The following BICD1 variants were observed in gnomAD, a reference collection of about 807,000 sequenced individuals.
BICD1 encodes the protein BICD cargo adaptor 1, also known as protein bicaudal D homolog 1.
Under a neutral mutation model 92.5 loss-of-function variants are expected in BICD1, and 35 were observed. The ratio of observed to expected loss-of-function variants is 0.38; its 90% CI spans 0.29 to 0.50. The LOEUF (loss-of-function observed/expected upper bound fraction) is 0.50, where lower values mean the gene tolerates loss of function less well. Among genes scored for constraint, BICD1 ranks in the 20% least tolerant of loss-of-function variants. The pLI is 0.93. For synonymous variants in BICD1, 429 were observed against 465.1 expected (o/e 0.92, Z 1.00); for missense variants, 950 against 1,189.8 (o/e 0.80, Z 2.97).
At chr12:32,261,969 T>C (rs1307865527) in intron 2 of BICD1, among the ~76,000 whole-genome samples, 2 of 151,950 alleles carry the variant, frequency 1.3e-5, no homozygotes, top group Non-Finnish European at 2.9e-5. Context: ...GGTGAGTGCA[T>C]ACTTGGATAG....
rs555237184 is a variant in BICD1, at chr12:32,306,069, T to C, written c.952T>C (p.Phe318Leu). ...GTCTCTGAACCCTGTCTCTGACTTA[T>C]TCAGTGAGCTGAACATTTCAGAAAT... is the stretch of plus-strand genomic sequence containing the variant. ...GESLNPVSDLFSELNISEIQK... is the reference protein window; with the variant it reads ...GESLNPVSDLLSELNISEIQK... The change falls in exon 4 of 10, where the codon TTC (phenylalanine) becomes CTC (leucine). Residue 318 changes from phenylalanine (F) to leucine (L), a missense_variant. By Grantham distance (22) the Phe-to-Leu change is conservative. Coordinates refer to ENST00000652176, the MANE Select transcript of BICD1 (RefSeq NM_001714.4). The C allele has an allele frequency of 1.9e-6, 3 of 1,613,142 alleles. No individual in the cohort carries two copies. The highest frequency in any genetic ancestry group is 1.3e-5 in the African/African-American group (1 of 74,848).
chr12:32,261,291 G>A (rs1011259991), intron 2 of BICD1, among the ~76,000 whole-genome samples: 3 of 152,218 alleles, frequency 2.0e-5, no homozygotes, highest in Non-Finnish European at 4.4e-5. Context: ...CTCTTCCTGT[G>A]TTTTACCCTT....
chr12:32,108,479 C>A (rs565527755), intron 1 of BICD1: 53 of 466,578 alleles, frequency 1.1e-4, no homozygotes, highest in Non-Finnish European at 1.8e-4. Context: ...TTATCTGATT[C>A]TTGAGGCACT....
intron 1 of BICD1, among the ~76,000 whole-genome samples, chr12:32,122,147 A>C (rs1412327524): frequency 6.6e-6 from 1 of 152,122 alleles, no homozygotes; most frequent in East Asian, 1.9e-4. Flanking sequence ...ATAATTTAGA[A>C]GTAGAACCCT....
At position 32,383,364 on chromosome 12, in the gene BICD1, A is replaced by T. The variant is rs1467660439; in HGVS notation, c.*5737A>T. The T allele has an allele frequency of 1.3e-5, 2 of 152,208 alleles. No individual in the cohort carries two copies. The highest frequency in any genetic ancestry group is 6.5e-5 in the Admixed American group (1 of 15,284). The allele number at this position is 152,208 out of a possible 1,614,324, so 9.4% of individuals were successfully genotyped here. ...CATGCATTTATTTTAAATTCAAAAA[A>T]TTCTTATGAATTTATTATTGCTTGT... On this transcript the variant is annotated 3_prime_UTR_variant, in exon 10 of 10. Coordinates refer to ENST00000652176, the MANE Select transcript of BICD1 (RefSeq NM_001714.4).
intron 2 of BICD1, among the ~76,000 whole-genome samples, chr12:32,218,041 G>A (rs534742975): frequency 6.6e-6 from 1 of 152,294 alleles, no homozygotes; most frequent in East Asian, 1.9e-4. Context: ...TCTGAAAGCT[G>A]CAATCCCCAT....
chr12:32,117,644 A>C (rs900686267), intron 1 of BICD1, among the ~76,000 whole-genome samples: 2 of 149,526 alleles, frequency 1.3e-5, no homozygotes, highest in Non-Finnish European at 3.0e-5. Context: ...GCACATGTGC[A>C]TGTGCATGAC....
At chr12:32,306,367 C>T (rs562874279) in intron 4 of BICD1, among the ~76,000 whole-genome samples, 82 of 152,180 alleles carry the variant, frequency 5.4e-4, no homozygotes, top group African/African-American at 1.9e-3. Flanking sequence ...CCTCAGCCTC[C>T]CGAGTAGCTG....
intron 6 of BICD1, among the ~76,000 whole-genome samples, chr12:32,335,397 G>A (rs555143087): frequency 2.6e-5 from 4 of 151,856 alleles, no homozygotes; most frequent in Non-Finnish European, 2.9e-5. Context: ...TGATCTGCCC[G>A]CCTCGGCCTC....
chr12:32,364,277 T>C (rs1939445002), intron 8 of BICD1, among the ~76,000 whole-genome samples: 3 of 152,188 alleles, frequency 2.0e-5, no homozygotes, highest in African/African-American at 7.2e-5. Flanking sequence ...TCATCTTTTA[T>C]TCCCCCCAAA....
intron 2 of BICD1, among the ~76,000 whole-genome samples, chr12:32,218,100 G>A (rs1212387079): frequency 1.3e-5 from 2 of 152,186 alleles, no homozygotes; most frequent in Non-Finnish European, 2.9e-5. Context: ...GTTGAGGATG[G>A]GGCAGGGAAT....
intron 1 of BICD1, 191 bp downstream of exon 1, chr12:32,107,735 G>T: frequency 2.6e-6 from 2 of 760,388 alleles, no homozygotes; most frequent in South Asian, 2.9e-5. Context: ...CCTAAGAAAT[G>T]AATATATAAG....
intron 1 of BICD1, among the ~76,000 whole-genome samples, chr12:32,113,026 C>T (rs1413348247): frequency 3.3e-5 from 5 of 152,096 alleles, no homozygotes; most frequent in East Asian, 1.9e-4. Context: ...CAAAACTAAA[C>T]GATGAAACTT....
At chr12:32,318,996 CT>C (rs1948579535) in intron 4 of BICD1, among the ~76,000 whole-genome samples, 1 of 152,148 alleles carries the variant, frequency 6.6e-6, no homozygotes, top group African/African-American at 2.4e-5. Flanking sequence ...ATCCTGCCAC[CT>C]TGCTATACTT....
chr12:32,251,988 T>C (rs533118680), intron 2 of BICD1, among the ~76,000 whole-genome samples: 1 of 131,748 alleles, frequency 7.6e-6, no homozygotes, highest in African/African-American at 2.9e-5. Context: ...ACTATATATA[T>C]AATATATTTA....
chr12:32,129,030 C>T (rs1565534818), intron 1 of BICD1, among the ~76,000 whole-genome samples: 1 of 152,008 alleles, frequency 6.6e-6, no homozygotes, highest in Non-Finnish European at 1.5e-5. Context: ...CAACCTCTGC[C>T]TCCCAGATTC....
chr12:32,173,099 G>A (rs1021711023), intron 1 of BICD1, among the ~76,000 whole-genome samples: 1 of 151,994 alleles, frequency 6.6e-6, no homozygotes, highest in Admixed American at 6.6e-5. Flanking sequence ...CCAGGCTGGA[G>A]TGCAGTGGCA....
chr12:32,242,108 G>A (rs1224546262), intron 2 of BICD1, among the ~76,000 whole-genome samples: 1 of 150,018 alleles, frequency 6.7e-6, no homozygotes, highest in East Asian at 2.0e-4. Context: ...TCAGCTACTC[G>A]GGAGGCTGAA....
chr12:32,246,945 T>C (rs1946404706), intron 2 of BICD1, among the ~76,000 whole-genome samples: 1 of 152,024 alleles, frequency 6.6e-6, no homozygotes, highest in South Asian at 2.1e-4. Flanking sequence ...GAGTTCTGTT[T>C]TGATCATGTT....
Sources: allele counts gnomAD v4.1 joint callset (sites outside exome capture counted in the v4.1 genomes callset), GRCh38; gene constraint gnomAD v4.1.1; transcripts MANE v1.5; gene names NCBI Gene and HGNC (gene_info 2026-07-23, HGNC 2026-07-21).